SORCS3: variants seen among roughly 807,000 people sequenced by gnomAD.
SORCS3 encodes VPS10 domain-containing receptor SorCS3.
In SORCS3, 57 loss-of-function variants were observed where a neutral mutation model predicts 146.3. That is an observed-to-expected ratio of 0.39 (90% CI 0.31 to 0.49). SORCS3 has a LOEUF of 0.49. SORCS3 is among the 20% of genes least tolerant of loss of function. SORCS3 has a pLI of 0.92. For synonymous variants in SORCS3, 653 were observed against 618.5 expected (o/e 1.06, Z -0.83); for missense variants, 1,341 against 1,575.5 (o/e 0.85, Z 2.52).
intron 5 of SORCS3, among the ~76,000 whole-genome samples, chr10:105,071,489 A>C (rs1405943653): frequency 1.3e-5 from 2 of 152,362 alleles, no homozygotes; most frequent in Non-Finnish European, 2.9e-5. Flanking sequence ...GCTGACATCA[A>C]TTAAATGCTC....
intron 14 of SORCS3, among the ~76,000 whole-genome samples, chr10:105,187,361 A>G (rs1160295338): frequency 6.6e-6 from 1 of 152,106 alleles, no homozygotes; most frequent in Non-Finnish European, 1.5e-5. Flanking sequence ...GGTCTAGTTC[A>G]TGTCTGGCCT....
At chr10:104,867,956 T>C (rs1395430699) in intron 2 of SORCS3, among the ~76,000 whole-genome samples, 1 of 152,256 alleles carries the variant, frequency 6.6e-6, no homozygotes, top group Non-Finnish European at 1.5e-5. Context: ...GCAGCACTAA[T>C]GAGGGGTGGT....
In SORCS3 at chr10:105,201,143, A is replaced by G; in HGVS notation, c.2151A>G (p.Glu717=). ...AGGGAGAGCCTTGTGTCATGGGAGAAAGGAAAATATTCAAGAAACGTAAGC... is the reference window on the plus strand; with the variant it reads ...AGGGAGAGCCTTGTGTCATGGGAGAGAGGAAAATATTCAAGAAACGTAAGC... The part of the protein sequence containing the change: ...LNQGEPCVMG[E]RKIFKKRKPG... Residue 717 remains glutamate, a synonymous_variant, in exon 16 of 27, where the codon GAA becomes GAG. Coordinates refer to ENST00000369701, the MANE Select transcript of SORCS3 (RefSeq NM_014978.3). 2 of 1,612,990 alleles carry G rather than the reference A, an allele frequency of 1.2e-6. No individual in the cohort carries two copies. Among genetic ancestry groups the G allele is most frequent in the Non-Finnish European group, 1.7e-6 (2 of 1,179,406 alleles).
intron 1 of SORCS3, among the ~76,000 whole-genome samples, chr10:104,791,394 G>T (rs1407383789): frequency 6.6e-6 from 1 of 152,178 alleles, no homozygotes; most frequent in Non-Finnish European, 1.5e-5. Flanking sequence ...GGTTAGAGCT[G>T]GAAGATAACT....
intron 3 of SORCS3, among the ~76,000 whole-genome samples, chr10:104,959,751 G>A (rs1477483969): frequency 6.6e-6 from 1 of 152,188 alleles, no homozygotes; most frequent in Non-Finnish European, 1.5e-5. Flanking sequence ...GTGGGTGAAG[G>A]CATGCAGCAC....
intron 3 of SORCS3, among the ~76,000 whole-genome samples, chr10:104,950,066 C>T (rs1395954411): frequency 6.6e-6 from 1 of 152,122 alleles, no homozygotes; most frequent in Non-Finnish European, 1.5e-5. Context: ...GAAGTCAGGA[C>T]AATAAGAGAT....
chr10:104,773,312 G>A (rs1310757567), intron 1 of SORCS3, among the ~76,000 whole-genome samples: 8 of 152,184 alleles, frequency 5.3e-5, no homozygotes, highest in Non-Finnish European at 1.2e-4. Context: ...GGCAAGGGCT[G>A]CACCAAGAGC....
In SORCS3 at chr10:104,831,459, C is replaced by T. The variant is rs960220096; in HGVS notation, c.628-11333C>T. Among the ~76,000 whole-genome samples, 9 of 152,130 alleles carry T rather than the reference C, an allele frequency of 5.9e-5. 1 individual carries two copies. The highest frequency in any genetic ancestry group is 3.9e-4 in the Admixed American group (6 of 15,272). ...AGTTCCCACAAGGGAGTGCCCCAAA[C>T]GGTACCAAGATAGGGCCAGTTGCGA... On this transcript the variant is annotated intron_variant, in intron 1 of 26. Transcript: ENST00000369701.
intron 5 of SORCS3, among the ~76,000 whole-genome samples, chr10:105,046,507 G>C (rs2055372614): frequency 6.6e-6 from 1 of 152,080 alleles, no homozygotes; most frequent in South Asian, 2.1e-4. Flanking sequence ...CCCCGTGCAT[G>C]TCTCTCGTCT....
At chr10:104,938,612 A>G (rs969612246) in intron 3 of SORCS3, among the ~76,000 whole-genome samples, 1 of 152,152 alleles carries the variant, frequency 6.6e-6, no homozygotes, top group Non-Finnish European at 1.5e-5. Flanking sequence ...GGCCCTGTGC[A>G]GAAGTCAGTT....
At chr10:104,876,750 T>TTCCTTCCTTCCTTCCTTACTTCCTTC (rs1296770635) in intron 2 of SORCS3, among the ~76,000 whole-genome samples, 2 of 111,076 alleles carry the variant, frequency 1.8e-5, no homozygotes, top group African/African-American at 7.9e-5. Flanking sequence ...TTCCTTCCTT[T>TTCCTTCCTTCCTTCCTTACTTCCTTC]CTTTCTTTCT....
chr10:105,254,491 A>C (rs919636731), intron 23 of SORCS3, among the ~76,000 whole-genome samples: 4 of 152,178 alleles, frequency 2.6e-5, no homozygotes, highest in Admixed American at 6.5e-5. Context: ...ATTACCATCT[A>C]TAGTTGTCTC....
intron 3 of SORCS3, among the ~76,000 whole-genome samples, chr10:104,942,425 AAAG>A (rs1206541559): frequency 6.6e-6 from 1 of 152,214 alleles, no homozygotes. Flanking sequence ...ATAGGAGAAG[AAAG>A]AAGACTTTCC....
At chr10:105,087,923 C>T (rs1279194528) in intron 5 of SORCS3, among the ~76,000 whole-genome samples, 1 of 152,188 alleles carries the variant, frequency 6.6e-6, no homozygotes, top group Non-Finnish European at 1.5e-5. Context: ...AGGACACAGG[C>T]ATCTGTATAT....
At chr10:105,191,481 C>T (rs1016761811) in intron 14 of SORCS3, among the ~76,000 whole-genome samples, 2 of 152,084 alleles carry the variant, frequency 1.3e-5, no homozygotes, top group African/African-American at 2.4e-5. Flanking sequence ...GGTTTGCAAT[C>T]GTAGGAAAAC....
chr10:105,236,208 C>T (rs943891123), intron 20 of SORCS3, among the ~76,000 whole-genome samples: 11 of 151,966 alleles, frequency 7.2e-5, no homozygotes, highest in Admixed American at 6.6e-4. Context: ...AGTTAAGCTC[C>T]CTGTCTGAGG....
intron 4 of SORCS3, among the ~76,000 whole-genome samples, chr10:105,016,677 A>G (rs1349636243): frequency 6.6e-6 from 1 of 152,102 alleles, no homozygotes; most frequent in Non-Finnish European, 1.5e-5. Flanking sequence ...ATTATAGAAG[A>G]TGAAGATTGC....
chr10:104,874,694 C>T (rs1416843919), intron 2 of SORCS3, among the ~76,000 whole-genome samples: 2 of 152,078 alleles, frequency 1.3e-5, no homozygotes, highest in Non-Finnish European at 2.9e-5. Context: ...GCTTATTGTC[C>T]TCCCTACTGT....
At chr10:105,085,405 C>T (rs2055653773) in intron 5 of SORCS3, among the ~76,000 whole-genome samples, 1 of 152,212 alleles carries the variant, frequency 6.6e-6, no homozygotes, top group South Asian at 2.1e-4. Flanking sequence ...AGCTGAGCAG[C>T]TTCATTTCCT....
Sources: gnomAD v4.1 joint callset for allele counts (sites outside exome capture counted in the v4.1 genomes callset) on GRCh38, gnomAD v4.1.1 for gene constraint, MANE v1.5 for transcripts, NCBI Gene and HGNC (gene_info 2026-07-23, HGNC 2026-07-21) for gene names.